Variants in RNF220 observed in about 807,000 individuals in gnomAD.
The protein encoded by RNF220 is E3 ubiquitin-protein ligase RNF220.
In RNF220, 7 loss-of-function variants were observed where a neutral mutation model predicts 67.1. The ratio of observed to expected loss-of-function variants is 0.10; its 90% CI spans 0.06 to 0.20. RNF220 has a LOEUF of 0.20. Ranked by LOEUF, RNF220 falls within the 10% of genes least tolerant of loss-of-function variation. The pLI, the probability that RNF220 is intolerant of heterozygous loss-of-function variation, is 1.00. For synonymous variants in RNF220, 270 were observed against 283.2 expected (o/e 0.95, Z 0.47); for missense variants, 565 against 740.3 (o/e 0.76, Z 2.75).
At chr1:44,511,872 C>T (rs1659026267) in intron 2 of RNF220, among the ~76,000 whole-genome samples, 1 of 151,460 alleles carries the variant, frequency 6.6e-6, no homozygotes, top group South Asian at 2.1e-4. Context: ...GGGAAAAAAT[C>T]TGTCATCTCC....
At chr1:44,530,553 A>G (rs1481180685) in intron 2 of RNF220, among the ~76,000 whole-genome samples, 1 of 152,128 alleles carries the variant, frequency 6.6e-6, no homozygotes, top group Non-Finnish European at 1.5e-5. Context: ...AAAAAGCATA[A>G]AAAGAATTAC....
chr1:44,637,236 G>A (rs548902991), intron 8 of RNF220, among the ~76,000 whole-genome samples: 1 of 152,342 alleles, frequency 6.6e-6, no homozygotes, highest in East Asian at 1.9e-4. Flanking sequence ...GGGGCTAAGA[G>A]CCCAGATGAG....
chr1:44,419,855 T>A (rs1649014291), intron 2 of RNF220: 1 of 152,344 alleles, frequency 6.6e-6, no homozygotes, highest in Non-Finnish European at 1.5e-5. Context: ...TAAAAAATCG[T>A]TTATAACTTA....
At chr1:44,505,738 C>G (rs551141940) in intron 2 of RNF220, among the ~76,000 whole-genome samples, 1 of 152,318 alleles carries the variant, frequency 6.6e-6, no homozygotes, top group South Asian at 2.1e-4. Context: ...TGATTTGTCC[C>G]TTAAGCCAGC....
chr1:44,418,804 A>C (rs1189872482), intron 2 of RNF220, among the ~76,000 whole-genome samples: 1 of 152,218 alleles, frequency 6.6e-6, no homozygotes, highest in East Asian at 1.9e-4. Context: ...CATCTGGTTA[A>C]TAAATATTGG....
At chr1:44,535,136 T>C (rs1661108341) in intron 2 of RNF220, among the ~76,000 whole-genome samples, 1 of 91,958 alleles carries the variant, frequency 1.1e-5, no homozygotes, top group Non-Finnish European at 2.0e-5. Context: ...CAGCTTCTTC[T>C]TTTTTTTTTT....
intron 2 of RNF220, among the ~76,000 whole-genome samples, chr1:44,583,544 A>G (rs1192167542): frequency 3.3e-5 from 5 of 152,216 alleles, no homozygotes; most frequent in Non-Finnish European, 7.3e-5. Flanking sequence ...ATGTAGTCAC[A>G]CTGGATTCTA....
intron 2 of RNF220, among the ~76,000 whole-genome samples, chr1:44,544,863 G>C (rs1048769823): frequency 6.6e-6 from 1 of 152,230 alleles, no homozygotes; most frequent in Admixed American, 6.5e-5. Context: ...AGGAGGGGTT[G>C]TTGTATGTCC....
intron 2 of RNF220, among the ~76,000 whole-genome samples, chr1:44,558,601 G>T (rs923548000): frequency 6.6e-6 from 1 of 152,138 alleles, no homozygotes; most frequent in African/African-American, 2.4e-5. Context: ...CAACAGCCCT[G>T]CAAGGTGAGT....
intron 2 of RNF220, among the ~76,000 whole-genome samples, chr1:44,481,419 A>C (rs1329043093): frequency 6.6e-6 from 1 of 152,138 alleles, no homozygotes; most frequent in East Asian, 1.9e-4. Flanking sequence ...CATCATCCTC[A>C]GCAAACTAAC....
intron 2 of RNF220, among the ~76,000 whole-genome samples, chr1:44,500,856 C>T (rs1213264389): frequency 6.6e-6 from 1 of 152,190 alleles, no homozygotes; most frequent in Admixed American, 6.5e-5. Flanking sequence ...CAGCTTTGGT[C>T]TGCGGCTCCA....
rs79659823 is a variant in RNF220, at chr1:44,452,824, A to G, written c.625+40102A>G. Among the ~76,000 whole-genome samples the G allele has an allele frequency of 3.3e-3, 499 of 152,182 alleles. 4 individuals carry two copies. The highest frequency in any genetic ancestry group is 0.012 in the African/African-American group (483 of 41,528). On this transcript the variant is annotated intron_variant, in intron 2 of 14. Coordinates refer to ENST00000361799, the MANE Select transcript of RNF220 (RefSeq NM_018150.4). ...CTTTGCCTCAGTAGTTTTTGTTCTCATACTTTTCTTGACTGCTTTTATACA... is the reference window on the plus strand; with the variant it reads ...CTTTGCCTCAGTAGTTTTTGTTCTCGTACTTTTCTTGACTGCTTTTATACA...
At chr1:44,562,913 C>A (rs1023061440) in intron 2 of RNF220, among the ~76,000 whole-genome samples, 1 of 152,204 alleles carries the variant, frequency 6.6e-6, no homozygotes, top group Non-Finnish European at 1.5e-5. Context: ...CCAATGCCAT[C>A]ACAAATGGAC....
rs1644577039 is a variant in RNF220, at chr1:44,644,445, A to G, written c.1127-253A>G. 2.4e-5 allele frequency: 11 copies of G among 452,040 alleles called. No homozygotes were observed. In the South Asian group the frequency reaches 2.7e-4, roughly 11 times the overall value. The allele number at this position is 452,040 out of a possible 1,614,324, so 28.0% of individuals were successfully genotyped here. ...TGTCCCCGAGGACGTGACATAATAT[A>G]TGAATGGGCTAGTTTATGAGCAGAG... On this transcript the variant is annotated intron_variant, in intron 8 of 14. Transcript: ENST00000361799.
intron 2 of RNF220, among the ~76,000 whole-genome samples, chr1:44,543,457 G>A (rs537004691): frequency 2.0e-5 from 3 of 152,196 alleles, no homozygotes; most frequent in African/African-American, 4.8e-5. Flanking sequence ...ATGGCTTACC[G>A]ACGGGAGGTT....
At chr1:44,631,868 T>C (rs568700514) in intron 5 of RNF220, 2 of 979,760 alleles carry the variant, frequency 2.0e-6, no homozygotes, top group Admixed American at 1.2e-4. Flanking sequence ...TGCCGGTTGC[T>C]ACCCGAGTAC....
At chr1:44,644,918 GGGCC>G in intron 9 of RNF220, 73 bp from the exon 10 acceptor site, 2 of 1,565,624 alleles carry the variant, frequency 1.3e-6, no homozygotes, top group Non-Finnish European at 1.8e-6. Context: ...TTGGCCAGGA[GGGCC>G]ATGCTCTCCT....
intron 2 of RNF220, among the ~76,000 whole-genome samples, chr1:44,415,629 T>G (rs1046918264): frequency 6.6e-6 from 1 of 152,202 alleles, no homozygotes; most frequent in African/African-American, 2.4e-5. Flanking sequence ...CATAAAATAT[T>G]TTTTAAATGT....
chr1:44,514,863 C>T (rs191369500), intron 2 of RNF220, among the ~76,000 whole-genome samples: 112 of 152,258 alleles, frequency 7.4e-4, no homozygotes, highest in Non-Finnish European at 1.2e-3. Context: ...ATAACCTCTA[C>T]AGTAACCTCT....
Sources: allele counts gnomAD v4.1 joint callset (sites outside exome capture counted in the v4.1 genomes callset), GRCh38; gene constraint gnomAD v4.1.1; transcripts MANE v1.5; gene names NCBI Gene and HGNC (gene_info 2026-07-23, HGNC 2026-07-21).